Variants in GRM5 observed in about 807,000 individuals in gnomAD.
GRM5 encodes glutamate metabotropic receptor 5.
In GRM5, 19 loss-of-function variants were observed where a neutral mutation model predicts 83.1. That is an observed-to-expected ratio of 0.23 (90% CI 0.16 to 0.34). GRM5 has a LOEUF of 0.34. Among genes scored for constraint, GRM5 ranks in the 10% least tolerant of loss-of-function variants. The pLI, the probability that GRM5 is intolerant of heterozygous loss-of-function variation, is 1.00. For missense variants in GRM5, 1,160 were observed against 1,588.3 expected (o/e 0.73, Z 4.58); for synonymous variants, 675 against 633.6 (o/e 1.07, Z -0.98).
intron 3 of GRM5, among the ~76,000 whole-genome samples, chr11:88,665,590 A>G (rs1460061612): frequency 6.6e-6 from 1 of 152,206 alleles, no homozygotes; most frequent in East Asian, 1.9e-4. Flanking sequence ...AGTTTTAGAA[A>G]TAATCATTGT....
At chr11:88,667,829 G>A (rs7947812) in intron 3 of GRM5, among the ~76,000 whole-genome samples, 15,564 of 151,974 alleles carry the variant, frequency 0.1, 1,493 homozygotes, top group African/African-American at 0.24. Context: ...GTAGGCGGAT[G>A]CTGCAGTGAG....
intron 3 of GRM5, among the ~76,000 whole-genome samples, chr11:88,689,599 T>C (rs1477676123): frequency 4.6e-5 from 7 of 152,252 alleles, no homozygotes; most frequent in Admixed American, 2.0e-4. Context: ...CTTTAGATGC[T>C]GATCTTAGAC....
chr11:88,570,609 G>A (rs114223427), intron 7 of GRM5, among the ~76,000 whole-genome samples: 6,468 of 101,826 alleles, frequency 0.064, 490 homozygotes, highest in African/African-American at 0.21. Context: ...AGACATAGTC[G>A]CCCTTTGTCA....
At chr11:88,796,811 T>C (rs1048906350) in intron 3 of GRM5, among the ~76,000 whole-genome samples, 27 of 152,092 alleles carry the variant, frequency 1.8e-4, no homozygotes, top group Non-Finnish European at 1.8e-4. Context: ...TGAAGCAATA[T>C]TGTTCTCTAG....
intron 7 of GRM5, among the ~76,000 whole-genome samples, chr11:88,568,515 G>A (rs894244437): frequency 1.3e-5 from 2 of 152,160 alleles, no homozygotes; most frequent in African/African-American, 4.8e-5. Flanking sequence ...ATGAGGCTGG[G>A]AGGTAGGGAG....
intron 8 of GRM5, among the ~76,000 whole-genome samples, chr11:88,532,887 C>T (rs1318174284): frequency 6.6e-6 from 1 of 152,140 alleles, no homozygotes; most frequent in African/African-American, 2.4e-5. Context: ...TCAGCATATA[C>T]TGCAGGCTCC....
At chr11:88,863,862 A>G (rs777774431) in intron 2 of GRM5, among the ~76,000 whole-genome samples, 5 of 151,794 alleles carry the variant, frequency 3.3e-5, no homozygotes, top group Non-Finnish European at 7.4e-5. Flanking sequence ...TGCCAATAAA[A>G]TATCCTAAAA....
At chr11:88,745,629 T>A (rs1027433844) in intron 3 of GRM5, among the ~76,000 whole-genome samples, 4 of 152,234 alleles carry the variant, frequency 2.6e-5, no homozygotes, top group Admixed American at 2.0e-4. Context: ...AACTTTTATG[T>A]TTCTTTTCTG....
chr11:88,805,335 G>T (rs1018314045), intron 3 of GRM5, among the ~76,000 whole-genome samples: 1 of 152,066 alleles, frequency 6.6e-6, no homozygotes, highest in Non-Finnish European at 1.5e-5. Flanking sequence ...GAGATTACAG[G>T]CATGCGCCAC....
intron 2 of GRM5, among the ~76,000 whole-genome samples, chr11:88,864,024 C>T (rs1348916168): frequency 6.7e-6 from 1 of 150,168 alleles, no homozygotes; most frequent in Non-Finnish European, 1.5e-5. Flanking sequence ...AAAATACTGT[C>T]ATTTCTGTTT....
At chr11:88,892,407 G>A (rs1484852628) in intron 2 of GRM5, among the ~76,000 whole-genome samples, 1 of 151,934 alleles carries the variant, frequency 6.6e-6, no homozygotes, top group Non-Finnish European at 1.5e-5. Flanking sequence ...GGGACCTTAA[G>A]TGTAAAGTAT....
At chr11:88,670,999 G>A (rs1198227106) in intron 3 of GRM5, among the ~76,000 whole-genome samples, 1 of 151,902 alleles carries the variant, frequency 6.6e-6, no homozygotes, top group Non-Finnish European at 1.5e-5. Flanking sequence ...GCATACAGAA[G>A]AATGTTCACT....
chr11:89,026,712 A>G (rs759813595), intron 2 of GRM5, among the ~76,000 whole-genome samples: 11 of 152,194 alleles, frequency 7.2e-5, no homozygotes, highest in Non-Finnish European at 1.5e-4. Flanking sequence ...TCATATTCTA[A>G]GCCCTGCTGG....
At chr11:88,750,061 T>C (rs1591487262) in intron 3 of GRM5, among the ~76,000 whole-genome samples, 1 of 152,118 alleles carries the variant, frequency 6.6e-6, no homozygotes, top group Non-Finnish European at 1.5e-5. Flanking sequence ...AGCATAATGA[T>C]GATAGAATCA....
intron 3 of GRM5, among the ~76,000 whole-genome samples, chr11:88,665,822 A>G (rs1940029041): frequency 7.4e-6 from 1 of 135,392 alleles, no homozygotes; most frequent in African/African-American, 2.6e-5. Context: ...AAAGCTATCT[A>G]GTCAGCCAGT....
At chr11:88,595,894 G>T (rs963591131) in intron 6 of GRM5, among the ~76,000 whole-genome samples, 1 of 151,990 alleles carries the variant, frequency 6.6e-6, no homozygotes, top group African/African-American at 2.4e-5. Flanking sequence ...TTCTTGGTCC[G>T]TATTTATTTT....
intron 9 of GRM5, among the ~76,000 whole-genome samples, chr11:88,521,624 A>G (rs940338202): frequency 6.6e-6 from 1 of 152,156 alleles, no homozygotes; most frequent in African/African-American, 2.4e-5. Flanking sequence ...CTTCTCCTGC[A>G]ATCAGGAGGA....
chr11:88,966,616 T>C (rs1938972374), intron 2 of GRM5, among the ~76,000 whole-genome samples: 1 of 152,154 alleles, frequency 6.6e-6, no homozygotes, highest in Non-Finnish European at 1.5e-5. Context: ...ATACTGTTCC[T>C]ACTCTACTGT....
chr11:89,062,150 A>G (rs1045684589), intron 1 of GRM5, among the ~76,000 whole-genome samples: 1 of 152,256 alleles, frequency 6.6e-6, no homozygotes, highest in Admixed American at 6.5e-5. Context: ...GGAAATAAAC[A>G]TGCATAAAGG....
Sources: allele counts gnomAD v4.1 joint callset (sites outside exome capture counted in the v4.1 genomes callset), GRCh38; gene constraint gnomAD v4.1.1; transcripts MANE v1.5; gene names NCBI Gene and HGNC (gene_info 2026-07-23, HGNC 2026-07-21).